The following ASTN2 variants were observed in gnomAD, a reference collection of about 807,000 sequenced individuals.
ASTN2 encodes astrotactin-2.
ASTN2 carries 54 observed loss-of-function variants against 139.8 expected under a neutral mutation model. The observed-to-expected ratio is 0.39, with a 90% CI of 0.31 to 0.48. The LOEUF (loss-of-function observed/expected upper bound fraction) is 0.48, where lower values mean the gene tolerates loss of function less well. ASTN2 is among the 20% of genes least tolerant of loss of function. ASTN2 has a pLI of 0.95. For synonymous variants in ASTN2, 756 were observed against 719.5 expected (o/e 1.05, Z -0.81); for missense variants, 1,565 against 1,725.1 (o/e 0.91, Z 1.64).
chr9:117,098,238 A>T (rs12338660), intron 4 of ASTN2, among the ~76,000 whole-genome samples: 26,922 of 152,134 alleles, frequency 0.18, 2,660 homozygotes, highest in Non-Finnish European at 0.22. Flanking sequence ...TTCCGAATTC[A>T]TACTACCCTT....
chr9:117,239,524 G>A (rs1306094399), intron 2 of ASTN2, among the ~76,000 whole-genome samples: 1 of 152,184 alleles, frequency 6.6e-6, no homozygotes, highest in Non-Finnish European at 1.5e-5. Flanking sequence ...AGCTGTTGGT[G>A]TTAAGAATAA....
At chr9:117,297,699 T>C (rs1834770723) in intron 1 of ASTN2, among the ~76,000 whole-genome samples, 1 of 152,078 alleles carries the variant, frequency 6.6e-6, no homozygotes, top group Admixed American at 6.6e-5. Flanking sequence ...GGATGGGGGA[T>C]TATCAAACCC....
chr9:117,052,489 C>G (rs1838943669), intron 5 of ASTN2, among the ~76,000 whole-genome samples: 2 of 150,976 alleles, frequency 1.3e-5, no homozygotes, highest in African/African-American at 4.9e-5. Context: ...ATGACATGCA[C>G]TGCATAGCAG....
chr9:116,885,923 A>G (rs1833584733), intron 10 of ASTN2, among the ~76,000 whole-genome samples: 1 of 152,226 alleles, frequency 6.6e-6, no homozygotes, highest in Admixed American at 6.5e-5. Flanking sequence ...ATTGAATGCC[A>G]GGTGTTATCA....
intron 5 of ASTN2, among the ~76,000 whole-genome samples, chr9:117,047,616 G>A (rs1838782976): frequency 6.6e-6 from 1 of 152,116 alleles, no homozygotes; most frequent in Non-Finnish European, 1.5e-5. Context: ...CACTCTATGA[G>A]TGAACTTCTG....
chr9:116,870,907 G>T (rs749412939), intron 10 of ASTN2, among the ~76,000 whole-genome samples: 1 of 152,110 alleles, frequency 6.6e-6, no homozygotes, highest in African/African-American at 2.4e-5. Context: ...GGTAATAGCC[G>T]ACAACCTTGT....
chr9:116,769,381 A>C (rs1360177007), intron 13 of ASTN2, among the ~76,000 whole-genome samples: 1 of 152,076 alleles, frequency 6.6e-6, no homozygotes, highest in Non-Finnish European at 1.5e-5. Flanking sequence ...CGGGAGAGTA[A>C]GTGGGAAGTG....
chr9:116,584,368 T>C (rs1461658963), intron 19 of ASTN2: 2 of 152,124 alleles, frequency 1.3e-5, no homozygotes, highest in African/African-American at 2.4e-5. Context: ...ACTGGACAAA[T>C]GGCCTGCTAT....
chr9:117,269,963 A>G (rs936902894), intron 2 of ASTN2, among the ~76,000 whole-genome samples: 1 of 152,174 alleles, frequency 6.6e-6, no homozygotes, highest in African/African-American at 2.4e-5. Flanking sequence ...ATTGGATAGT[A>G]TTTTTCCTAT....
At chr9:117,214,184 A>G (rs192088774) in intron 3 of ASTN2, among the ~76,000 whole-genome samples, 174 bp downstream of exon 3, 241 of 152,300 alleles carry the variant, frequency 1.6e-3, no homozygotes, top group Non-Finnish European at 3.0e-3. Context: ...TCTCATCACT[A>G]CTGAAGAATC....
chr9:117,083,185 T>G (rs542903109), intron 5 of ASTN2, among the ~76,000 whole-genome samples: 1 of 152,190 alleles, frequency 6.6e-6, no homozygotes, highest in Non-Finnish European at 1.5e-5. Context: ...TCAGTGGAAT[T>G]AGATATTCAG....
At chr9:117,326,248 G>A (rs1438104585) in intron 1 of ASTN2, among the ~76,000 whole-genome samples, 2 of 152,034 alleles carry the variant, frequency 1.3e-5, no homozygotes, top group African/African-American at 4.8e-5. Context: ...CAGCCAGTTT[G>A]AGATCTCTAA....
intron 11 of ASTN2, among the ~76,000 whole-genome samples, chr9:116,828,951 CAAG>C (rs1464822571): frequency 2.6e-5 from 4 of 151,972 alleles, no homozygotes; most frequent in Admixed American, 6.5e-5. Flanking sequence ...ATATATTTAA[CAAG>C]GAGGTGAAAG....
intron 13 of ASTN2, among the ~76,000 whole-genome samples, chr9:116,802,857 C>A (rs1830899577): frequency 1.3e-5 from 2 of 152,220 alleles, no homozygotes; most frequent in Non-Finnish European, 2.9e-5. Context: ...TGGGCCTTTG[C>A]AGGCTCCTTC....
chr9:117,393,362 A>C (rs1830591391), intron 1 of ASTN2, among the ~76,000 whole-genome samples: 1 of 152,218 alleles, frequency 6.6e-6, no homozygotes. Flanking sequence ...ATGGAAAGAC[A>C]GACACACAAA....
chr9:117,059,442 T>C (rs1313951502), intron 5 of ASTN2, among the ~76,000 whole-genome samples: 2 of 151,710 alleles, frequency 1.3e-5, no homozygotes, highest in Non-Finnish European at 2.9e-5. Flanking sequence ...TGAAACCCCA[T>C]CTCTACTAAA....
intron 11 of ASTN2, among the ~76,000 whole-genome samples, chr9:116,856,189 C>T (rs563266143): frequency 1.9e-3 from 295 of 152,268 alleles, no homozygotes; most frequent in African/African-American, 6.9e-3. Flanking sequence ...ACCATCAGTC[C>T]TCTCATTTTG....
intron 10 of ASTN2, among the ~76,000 whole-genome samples, chr9:116,956,026 T>TA (rs1375379445): frequency 1.3e-5 from 2 of 152,024 alleles, no homozygotes; most frequent in Non-Finnish European, 2.9e-5. Flanking sequence ...CTGAGAGCTT[T>TA]AAAAAATGCC....
chr9:116,972,435 G>C (rs1203880723), intron 10 of ASTN2, among the ~76,000 whole-genome samples: 3 of 151,822 alleles, frequency 2.0e-5, no homozygotes, highest in African/African-American at 7.3e-5. Flanking sequence ...GTACAAATGA[G>C]TGCTTCTATT....
Sources: allele counts gnomAD v4.1 joint callset (sites outside exome capture counted in the v4.1 genomes callset), GRCh38; gene constraint gnomAD v4.1.1; transcripts MANE v1.5; gene names NCBI Gene and HGNC (gene_info 2026-07-23, HGNC 2026-07-21).